The following LAMB4 variants were observed in gnomAD, a reference collection of about 807,000 sequenced individuals.
LAMB4 encodes the protein laminin subunit beta 4.
A neutral mutation model predicts 199.2 loss-of-function variants in LAMB4; 196 were observed. That is an observed-to-expected ratio of 0.98 (90% CI 0.88 to 1.11). The LOEUF (loss-of-function observed/expected upper bound fraction) is 1.11, where lower values mean the gene tolerates loss of function less well. Ranked by LOEUF, LAMB4 falls within the 50% of genes least tolerant of loss-of-function variation. LAMB4 has a pLI of 0.00. For missense variants in LAMB4, 2,080 were observed against 2,171.2 expected (o/e 0.96, Z 0.83); for synonymous variants, 744 against 770.6 (o/e 0.97, Z 0.57).
chr7:108,108,934 G>A (rs1215522499), intron 5 of LAMB4, among the ~76,000 whole-genome samples: 1 of 151,816 alleles, frequency 6.6e-6, no homozygotes, highest in Non-Finnish European at 1.5e-5. Flanking sequence ...AGTACTAGGA[G>A]TTTTCCTTTT....
chr7:108,053,330 C>G (rs1402238977), intron 25 of LAMB4, among the ~76,000 whole-genome samples: 1 of 152,178 alleles, frequency 6.6e-6, no homozygotes, highest in Non-Finnish European at 1.5e-5. Context: ...CTCATGACAC[C>G]TGGGGTTCTT....
rs1441773624 is a variant in LAMB4, at chr7:108,116,489, A to C, written c.35-328T>G. ...AGATACCGAGAATAATACACTTGAA[A>C]GATACTGCATTCTGTATCCCTTTCT... On this transcript the variant is annotated intron_variant, in intron 2 of 33. Transcript: ENST00000388781. Among the ~76,000 whole-genome samples the C allele has an allele frequency of 5.9e-5, 9 of 152,230 alleles. 1 individual carries two copies.
chr7:108,110,770 G>A (rs1584774125), intron 4 of LAMB4, among the ~76,000 whole-genome samples: 1 of 152,144 alleles, frequency 6.6e-6, no homozygotes, highest in Non-Finnish European at 1.5e-5. Flanking sequence ...ACAGGTGGCT[G>A]TGGAAAAAAC....
chr7:108,048,231 C>T, intron 27 of LAMB4, 120 bp from the exon 28 acceptor site: 1 of 757,138 alleles, frequency 1.3e-6, no homozygotes, highest in Non-Finnish European at 2.1e-6. Flanking sequence ...ATAGCGTGAC[C>T]TTGGCTCACT....
intron 1 of LAMB4, among the ~76,000 whole-genome samples, chr7:108,128,338 G>A (rs1282430703): frequency 6.6e-6 from 1 of 152,134 alleles, no homozygotes; most frequent in Non-Finnish European, 1.5e-5. Context: ...ATAGGGTTCT[G>A]GCATGACAGA....
At chr7:108,116,407 A>G (rs1378037842) in intron 2 of LAMB4, among the ~76,000 whole-genome samples, 1 of 152,150 alleles carries the variant, frequency 6.6e-6, no homozygotes, top group Non-Finnish European at 1.5e-5. Context: ...TTAAAAATAA[A>G]TACTTCTAAA....
chr7:108,121,773 A>G (rs2038608770), intron 2 of LAMB4, among the ~76,000 whole-genome samples: 1 of 151,612 alleles, frequency 6.6e-6, no homozygotes, highest in African/African-American at 2.4e-5. Context: ...AAAAGAACGC[A>G]TGTAGATAAG....
At chr7:108,078,949 T>C (rs543701548) in intron 15 of LAMB4, among the ~76,000 whole-genome samples, 38 of 152,308 alleles carry the variant, frequency 2.5e-4, no homozygotes, top group South Asian at 4.1e-4. Context: ...CTCCAGAATG[T>C]GGTCCCTAGT....
At chr7:108,098,379 C>CCG in intron 11 of LAMB4, 24 bp downstream of exon 11, 2 of 1,577,244 alleles carry the variant, frequency 1.3e-6, no homozygotes, top group Non-Finnish European at 1.7e-6. Context: ...TGGACACTCC[C>CCG]CCGACCCCCG....
chr7:108,024,038 C>T lies in LAMB4; in HGVS notation c.*1G>A, dbSNP rs147609460. 1.8e-5 allele frequency: 29 copies of T among 1,600,858 alleles called. No homozygotes were observed. The highest frequency in any genetic ancestry group is 2.4e-5 in the Non-Finnish European group (28 of 1,176,074). ...CACAAGCTTTTGCTCTTTAACTCTGCCTAGCTATAGCACCTAGCATATTTT... is the reference window on the plus strand; with the variant it reads ...CACAAGCTTTTGCTCTTTAACTCTGTCTAGCTATAGCACCTAGCATATTTT... On this transcript the variant is annotated 3_prime_UTR_variant, in exon 34 of 34. Transcript: ENST00000388781.
chr7:108,024,052 C>A lies in LAMB4; in HGVS notation c.5273G>T (p.Arg1758Met). ...CTTTAACTCTGCCTAGCTATAGCACCTAGCATATTTTTTTTCTTGTTCAAC... is the reference window on the plus strand; with the variant it reads ...CTTTAACTCTGCCTAGCTATAGCACATAGCATATTTTTTTTCTTGTTCAAC... ...EIVEQEKKYA[R>M]CYS Residue 1758 changes from arginine to methionine, a missense_variant, in exon 34 of 34, where the codon AGG (arginine) becomes ATG (methionine). Physicochemically the swap from Arg to Met is moderately conservative, Grantham distance 91. Coordinates refer to ENST00000388781, the MANE Select transcript of LAMB4 (RefSeq NM_007356.3). The A allele has an allele frequency of 6.2e-7, 1 of 1,608,878 alleles. No individual in the cohort carries two copies. Among genetic ancestry groups the A allele is most frequent in the Non-Finnish European group, 8.5e-7 (1 of 1,178,436 alleles).
At chr7:108,049,125 C>A (rs1052488112) in intron 27 of LAMB4, among the ~76,000 whole-genome samples, 1 of 151,496 alleles carries the variant, frequency 6.6e-6, no homozygotes, top group African/African-American at 2.4e-5. Context: ...ACTCTTTGAT[C>A]AATTTTTGAG....
At chr7:108,087,545 T>G (rs2037231400) in intron 14 of LAMB4, among the ~76,000 whole-genome samples, 2 of 152,242 alleles carry the variant, frequency 1.3e-5, no homozygotes. Flanking sequence ...CTACAAGGTC[T>G]TCTGGACTCT....
At chr7:108,015,283 G>A in the LAMB4 span, among the ~76,000 whole-genome samples, 1 of 152,164 alleles carries the variant, frequency 6.6e-6, no homozygotes, top group Non-Finnish European at 1.5e-5. Context: ...TTTAGATATG[G>A]AATGTTTATA....
Position 108,029,188 on chromosome 7 carries a change from A to G in LAMB4, c.5001T>C (p.Val1667=). ...GAATAGCATATTGTTTTTTCAGCTC[A>G]ACAAATTCCTGTAACAAGCAACACT... The part of the protein sequence containing the change: ...HQAGSLEKEF[V]ELKKQYAILQ... Residue 1667 remains valine, a synonymous_variant, in exon 33 of 34, where the codon GTT becomes GTC. Transcript: ENST00000388781. 2 of 1,611,856 alleles carry G rather than the reference A, an allele frequency of 1.2e-6. No homozygotes were observed. The highest frequency in any genetic ancestry group is 2.2e-5 in the South Asian group (2 of 90,318).
chr7:108,036,073 G>A (rs1167797913), intron 30 of LAMB4, among the ~76,000 whole-genome samples: 1 of 151,950 alleles, frequency 6.6e-6, no homozygotes, highest in East Asian at 1.9e-4. Flanking sequence ...GGCCAGGCTG[G>A]TCTCTAACTC....
At chr7:108,019,489 A>G (rs948642801), downstream of LAMB4, among the ~76,000 whole-genome samples, 1 of 151,990 alleles carries the variant, frequency 6.6e-6, no homozygotes, top group Non-Finnish European at 1.5e-5. Context: ...TAATATATTC[A>G]CAGGTTCTTG....
intron 22 of LAMB4, among the ~76,000 whole-genome samples, chr7:108,063,428 A>G (rs2036233133): frequency 6.6e-6 from 1 of 152,122 alleles, no homozygotes; most frequent in South Asian, 2.1e-4. Context: ...ATGTTAATAC[A>G]CCTCACCTCC....
chr7:108,022,189 T>C (rs2034708362), downstream of LAMB4, among the ~76,000 whole-genome samples: 1 of 152,260 alleles, frequency 6.6e-6, no homozygotes, highest in African/African-American at 2.4e-5. Flanking sequence ...ATCCTTTGAA[T>C]AAATTCCTTT....
Sources: gnomAD v4.1 joint callset for allele counts (sites outside exome capture counted in the v4.1 genomes callset) on GRCh38, gnomAD v4.1.1 for gene constraint, MANE v1.5 for transcripts, NCBI Gene and HGNC (gene_info 2026-07-23, HGNC 2026-07-21) for gene names.